CHD6: variants seen among roughly 807,000 people sequenced by gnomAD.
CHD6 encodes chromodomain helicase DNA binding protein 6, also known as ATP-dependent chromatin remodeler CHD6.
CHD6 carries 50 observed loss-of-function variants against 276.9 expected under a neutral mutation model. That is an observed-to-expected ratio of 0.18 (90% CI 0.14 to 0.23). CHD6 has a LOEUF of 0.23. Among genes scored for constraint, CHD6 ranks in the 10% least tolerant of loss-of-function variants. The probability of loss-of-function intolerance (pLI) is 1.00; values close to 1 mark genes in which losing one functional copy is unlikely to be tolerated. For missense variants in CHD6, 2,564 were observed against 3,365.8 expected, an observed-to-expected ratio of 0.76 and a Z score of 5.89; for synonymous variants, 1,173 against 1,229.3, an observed-to-expected ratio of 0.95 and a Z score of 0.96.
chr20:41,413,272 C>T, intron 35 of CHD6, 52 bp downstream of exon 35: 1 of 1,403,418 alleles, frequency 7.1e-7, no homozygotes, highest in Non-Finnish European at 9.5e-7. Flanking sequence ...AAAATAGCAA[C>T]AAGTCAGCAG....
intron 17 of CHD6, among the ~76,000 whole-genome samples, chr20:41,464,896 G>A (rs1438318574): frequency 6.6e-6 from 1 of 152,178 alleles, no homozygotes; most frequent in Non-Finnish European, 1.5e-5. Context: ...AAAAAACACA[G>A]AAGCCAATGT....
intron 30 of CHD6, 101 bp from the exon 31 acceptor site, chr20:41,422,180 G>T: frequency 8.1e-7 from 1 of 1,239,296 alleles, no homozygotes; most frequent in Non-Finnish European, 1.1e-6. Flanking sequence ...TAGCTCCCTG[G>T]CTCCTCAGCA....
intron 1 of CHD6, among the ~76,000 whole-genome samples, chr20:41,578,860 T>C (rs1273268687): frequency 2.1e-5 from 3 of 141,140 alleles, no homozygotes; most frequent in African/African-American, 8.2e-5. Context: ...AAGGCCCCCA[T>C]TAGAAAGAAA....
chr20:41,561,793 T>C (rs117143490), intron 1 of CHD6, among the ~76,000 whole-genome samples: 479 of 152,328 alleles, frequency 3.1e-3, no homozygotes, highest in Non-Finnish European at 5.9e-3. Context: ...TTCTATTCCT[T>C]CCACCACTTA....
chr20:41,480,178 A>AG (rs2043262487), intron 16 of CHD6, among the ~76,000 whole-genome samples: 1 of 152,164 alleles, frequency 6.6e-6, no homozygotes, highest in Non-Finnish European at 1.5e-5. Context: ...CTGATTTAAG[A>AG]GGAAAAAAAA....
chr20:41,583,959 G>T (rs1332251643), intron 1 of CHD6, among the ~76,000 whole-genome samples: 2 of 151,942 alleles, frequency 1.3e-5, no homozygotes, highest in African/African-American at 4.8e-5. Flanking sequence ...GAGGAAAGGG[G>T]AAACAGGTTA....
intron 1 of CHD6, among the ~76,000 whole-genome samples, chr20:41,561,023 G>C (rs1246355485): frequency 1.3e-5 from 2 of 152,072 alleles, no homozygotes; most frequent in African/African-American, 4.8e-5. Flanking sequence ...CTATGGAACA[G>C]GAGTCAGCAA....
intron 1 of CHD6, among the ~76,000 whole-genome samples, chr20:41,563,584 C>T (rs572712032): frequency 3.3e-4 from 51 of 152,268 alleles, no homozygotes; most frequent in Non-Finnish European, 6.5e-4. Flanking sequence ...AGTTCATCTT[C>T]CTTGGTCAGA....
At chr20:41,546,007 G>A (rs1285664863) in intron 2 of CHD6, among the ~76,000 whole-genome samples, 2 of 152,050 alleles carry the variant, frequency 1.3e-5, no homozygotes, top group African/African-American at 2.4e-5. Context: ...TGGCTCTTCC[G>A]AGGCATATTT....
At chr20:41,510,296 A>G (rs2044086225) in intron 5 of CHD6, among the ~76,000 whole-genome samples, 2 of 152,206 alleles carry the variant, frequency 1.3e-5, no homozygotes, top group African/African-American at 2.4e-5. Flanking sequence ...GAAGCCCAGT[A>G]TGTAAAAACA....
chr20:41,513,939 T>C (rs2044185803), intron 4 of CHD6, among the ~76,000 whole-genome samples: 1 of 152,162 alleles, frequency 6.6e-6, no homozygotes, highest in South Asian at 2.1e-4. Flanking sequence ...CAGATCACCA[T>C]TCTACAAACA....
chr20:41,450,838 TG>T, intron 23 of CHD6, 107 bp downstream of exon 23: 3 of 1,018,092 alleles, frequency 2.9e-6, no homozygotes, highest in Non-Finnish European at 4.4e-6. Flanking sequence ...TTCTAGACCT[TG>T]CACAGAAGTA....
chr20:41,474,406 T>C (rs567794762), intron 16 of CHD6, among the ~76,000 whole-genome samples: 7 of 152,266 alleles, frequency 4.6e-5, no homozygotes, highest in South Asian at 4.1e-4. Flanking sequence ...ACAGAAGATA[T>C]AGCAGCAATC....
At chr20:41,443,674 T>C (rs2047969647) in intron 25 of CHD6, among the ~76,000 whole-genome samples, 1 of 152,210 alleles carries the variant, frequency 6.6e-6, no homozygotes, top group Admixed American at 6.5e-5. Context: ...ATCTTCTTTA[T>C]CACTCAGGGA....
intron 1 of CHD6, among the ~76,000 whole-genome samples, chr20:41,588,078 G>T (rs183382218): frequency 1.3e-5 from 2 of 152,144 alleles, no homozygotes; most frequent in African/African-American, 4.8e-5. Flanking sequence ...AAGCCAGTAG[G>T]TGGGAAAAGA....
intron 27 of CHD6, among the ~76,000 whole-genome samples, chr20:41,427,992 C>A (rs1377425470): frequency 6.6e-6 from 1 of 152,078 alleles, no homozygotes; most frequent in Non-Finnish European, 1.5e-5. Flanking sequence ...CTACCATGTT[C>A]CTTCGTGCCA....
intron 17 of CHD6, among the ~76,000 whole-genome samples, chr20:41,468,548 C>T (rs188660552): frequency 6.6e-6 from 1 of 152,340 alleles, no homozygotes. Context: ...ACCAGTGTCT[C>T]TCCAATACTT....
Position 41,447,876 on chromosome 20 carries a change from C to T in CHD6, c.3773+6G>A. 6.3e-7 allele frequency: 1 copy of T among 1,598,438 alleles called. No homozygotes were observed. The stretch of plus-strand genomic sequence containing the variant: ...ACGTTGATATGTTAAGTTTCATTTG[C>T]TTTACCTGGCAGGAGATCCTTCAAA... On this transcript the variant is annotated splice_donor_region_variant and intron_variant, in intron 24 of 36. Coordinates refer to ENST00000373233, the MANE Select transcript of CHD6 (RefSeq NM_032221.5).
chr20:41,445,581 A>T, intron 25 of CHD6, 84 bp downstream of exon 25: 2 of 792,470 alleles, frequency 2.5e-6, no homozygotes, highest in Middle Eastern at 2.7e-4. Flanking sequence ...TTGCAGGAAC[A>T]TGCCGAGCTT....
Sources: gnomAD v4.1 joint callset for allele counts (sites outside exome capture counted in the v4.1 genomes callset) on GRCh38, gnomAD v4.1.1 for gene constraint, MANE v1.5 for transcripts, NCBI Gene and HGNC (gene_info 2026-07-23, HGNC 2026-07-21) for gene names.